ALB: variants seen among roughly 807,000 people sequenced by gnomAD.
ALB encodes albumin.
ALB carries 37 observed loss-of-function variants against 74.5 expected under a neutral mutation model. The observed-to-expected ratio is 0.50, with a 90% CI of 0.38 to 0.65. ALB has a LOEUF of 0.65. Ranked by LOEUF, ALB falls within the 30% of genes least tolerant of loss-of-function variation. The probability of loss-of-function intolerance (pLI) is 0.00; values close to 1 mark genes in which losing one functional copy is unlikely to be tolerated. For missense variants in ALB, 685 were observed against 718.7 expected, an observed-to-expected ratio of 0.95 and a Z score of 0.54; for synonymous variants, 249 against 251.6, an observed-to-expected ratio of 0.99 and a Z score of 0.10.
intron 8 of ALB, 21 bp from the exon 9 acceptor site, chr4:73,415,014 T>A: frequency 6.2e-7 from 1 of 1,613,318 alleles, no homozygotes; most frequent in Admixed American, 1.7e-5. Context: ...ACAAAGTCTA[T>A]TTTATTTTCA....
Position 73,421,352 on chromosome 4 carries a change from T to G in ALB, c.*284T>G, listed in dbSNP as rs1016280214. On this transcript the variant is annotated 3_prime_UTR_variant, in exon 15 of 15. Transcript: ENST00000295897. ...GTTCCAGTGTTCTCTCTTATTCCAC[T>G]TCGGTAGAGGATTTCTAGTTTCTTG... 9 of 351,838 alleles carry G rather than the reference T, an allele frequency of 2.6e-5. No individual in the cohort carries two copies. The highest frequency in any genetic ancestry group is 4.6e-5 in the Non-Finnish European group (9 of 196,022). The allele number at this position is 351,838 out of a possible 1,614,324, so 21.8% of individuals were successfully genotyped here. A position where few individuals can be genotyped will look rare whatever the true frequency, so the allele number is the denominator to read the frequency against.
At chr4:73,414,498 T>C (rs927229499) in intron 8 of ALB, among the ~76,000 whole-genome samples, 3 of 152,204 alleles carry the variant, frequency 2.0e-5, no homozygotes, top group African/African-American at 7.2e-5. Flanking sequence ...AGTTTTACTC[T>C]TGTTGCCCAG....
intron 7 of ALB, 155 bp downstream of exon 7, chr4:73,412,280 G>A: frequency 1.1e-6 from 1 of 933,062 alleles, no homozygotes; most frequent in Non-Finnish European, 1.7e-6. Context: ...TATGGTGGTG[G>A]TACCTTTCTG....
chr4:73,406,814 G>T, intron 3 of ALB, 53 bp downstream of exon 3: 1 of 1,602,032 alleles, frequency 6.2e-7, no homozygotes. Context: ...GTAATCCCAA[G>T]CATTTCAAAG....
At chr4:73,411,745 C>T (rs1395870340) in intron 6 of ALB, among the ~76,000 whole-genome samples, 1 of 152,152 alleles carries the variant, frequency 6.6e-6, no homozygotes, top group Non-Finnish European at 1.5e-5. Flanking sequence ...CCTGTTGCCC[C>T]TTTTAGAGTT....
chr4:73,407,339 T>C (rs543284395), intron 3 of ALB, among the ~76,000 whole-genome samples: 2 of 152,362 alleles, frequency 1.3e-5, no homozygotes, highest in South Asian at 4.1e-4. Context: ...AGCTACCTTA[T>C]ATAAGTGGTA....
intron 14 of ALB, 153 bp from the exon 15 acceptor site, chr4:73,420,939 T>C (rs367910943): frequency 1.2e-4 from 63 of 517,972 alleles, no homozygotes; most frequent in African/African-American, 1.2e-3. Context: ...AACAGAAGAA[T>C]TCAGCAGCCG....
rs777932176 is a variant in ALB at position 73,413,616 on chromosome 4, A to G, written c.1040A>G (p.Lys347Arg). 1.9e-6 allele frequency: 3 copies of G among 1,614,076 alleles called. No homozygotes were observed. The Admixed American group carries it at 5.0e-5, about 27-fold the overall frequency. ...GTTTGCAAAAACTATGCTGAGGCAA[A>G]GGATGTCTTCCTGGGCATGTAAGTA... is the stretch of plus-strand genomic sequence containing the variant. ...KDVCKNYAEA[K>R]DVFLGMFLYE... The change falls in exon 8 of 15, where the codon AAG (lysine) becomes AGG (arginine). Residue 347 changes from lysine to arginine, a missense_variant. By Grantham distance (26) the Lys-to-Arg change is conservative (BLOSUM62 2). Coordinates refer to ENST00000295897, the MANE Select transcript of ALB (RefSeq NM_000477.7).
Position 73,416,332 on chromosome 4 carries a change from G to A in ALB, c.1268G>A (p.Gly423Glu). The change falls in exon 10 of 15, where the codon GGA (glycine) becomes GAA (glutamate). Residue 423 changes from glycine to glutamate, a missense_variant. By Grantham distance (98) the Gly-to-Glu change is moderately conservative. Coordinates refer to ENST00000295897, the MANE Select transcript of ALB (RefSeq NM_000477.7). ...AATTGTGAGCTTTTTGAGCAGCTTG[G>A]AGAGTACAAATTCCAGAATGCGTAA... ...KQNCELFEQL[G>E]EYKFQNALLV... 1 of 1,613,478 alleles carries A rather than the reference G, an allele frequency of 6.2e-7. No individual in the cohort carries two copies. Among genetic ancestry groups the A allele is most frequent in the Admixed American group, 1.7e-5 (1 of 59,978 alleles).
At chr4:73,413,858 T>G (rs972527434) in intron 8 of ALB, among the ~76,000 whole-genome samples, 12 of 152,232 alleles carry the variant, frequency 7.9e-5, no homozygotes, top group Non-Finnish European at 1.8e-4. Flanking sequence ...TCCTTACTCC[T>G]TAGGGGTATT....
intron 9 of ALB, 123 bp downstream of exon 9, chr4:73,415,290 T>C (rs1442174831): frequency 8.2e-7 from 1 of 1,223,946 alleles, no homozygotes; most frequent in Non-Finnish European, 1.2e-6. Context: ...TGAGATGGTT[T>C]CAATTCTGGA....
chr4:73,416,217 G>A (rs1426130999), intron 9 of ALB, 39 bp from the exon 10 acceptor site: 4 of 1,548,290 alleles, frequency 2.6e-6, no homozygotes, highest in Non-Finnish European at 3.6e-6. Flanking sequence ...ATCTGATCCT[G>A]AGGCATAATA....
chr4:73,419,436 C>T, intron 12 of ALB, 71 bp from the exon 13 acceptor site: 3 of 1,509,416 alleles, frequency 2.0e-6, no homozygotes, highest in South Asian at 2.4e-5. Flanking sequence ...ACCATCCTTA[C>T]TCTCTCCATT....
At chr4:73,411,274 G>A (rs1193598319) in intron 6 of ALB, among the ~76,000 whole-genome samples, 1 of 151,964 alleles carries the variant, frequency 6.6e-6, no homozygotes, top group Non-Finnish European at 1.5e-5. Context: ...ATTATACACA[G>A]ATAAACAGGC....
At chr4:73,414,591 G>T (rs1486269145) in intron 8 of ALB, among the ~76,000 whole-genome samples, 1 of 152,098 alleles carries the variant, frequency 6.6e-6, no homozygotes, top group East Asian at 1.9e-4. Flanking sequence ...AGCCTCCTGG[G>T]ATTACAGGCA....
Position 73,419,515 on chromosome 4 carries a change from T to C in ALB, c.1661T>C (p.Val554Ala). 1 of 1,613,656 alleles carries C rather than the reference T, an allele frequency of 6.2e-7. No homozygotes were observed. Among genetic ancestry groups the C allele is most frequent in the Non-Finnish European group, 8.5e-7 (1 of 1,179,818 alleles). The change falls in exon 13 of 15, where the codon GTT (valine) becomes GCT (alanine). Residue 554 changes from valine (V) to alanine (A), a missense_variant. Transcript: ENST00000295897. Reference sequence around the variant, plus strand: ...TTTCCATTCAAACTCAGTGCACTTGTTGAGCTCGTGAAACACAAGCCCAAG... The same window carrying C: ...TTTCCATTCAAACTCAGTGCACTTGCTGAGCTCGTGAAACACAAGCCCAAG... ...ERQIKKQTAL[V>A]ELVKHKPKAT...
chr4:73,419,474 G>GTTTTTT (rs11351486), intron 12 of ALB, 33 bp from the exon 13 acceptor site: 6 of 1,304,956 alleles, frequency 4.6e-6, no homozygotes, highest in Admixed American at 2.0e-5. Context: ...TGTTTTTTCT[G>GTTTTTT]TTTTTTTTTT....
At chr4:73,418,378 C>T in intron 12 of ALB, 67 bp downstream of exon 12, 3 of 1,397,062 alleles carry the variant, frequency 2.1e-6, no homozygotes, top group Non-Finnish European at 3.0e-6. Flanking sequence ...TTCAAGCTAG[C>T]AACTTTTTCC....
chr4:73,420,350 G>A (rs1298717724), intron 14 of ALB, 29 bp downstream of exon 14: 2 of 1,421,240 alleles, frequency 1.4e-6, no homozygotes, highest in Non-Finnish European at 9.8e-7. Context: ...TTTTAAAAAA[G>A]TAACTATAAT....
Sources: allele counts gnomAD v4.1 joint callset (sites outside exome capture counted in the v4.1 genomes callset), GRCh38; gene constraint gnomAD v4.1.1; transcripts MANE v1.5; gene names NCBI Gene and HGNC (gene_info 2026-07-23, HGNC 2026-07-21).